KMT2C: variants seen among roughly 807,000 people sequenced by gnomAD.
The protein encoded by KMT2C is lysine methyltransferase 2C, also known as histone-lysine N-methyltransferase 2C.
Under a neutral mutation model 507.9 loss-of-function variants are expected in KMT2C, and 88 were observed. The observed-to-expected ratio is 0.17, with a 90% CI of 0.15 to 0.21. KMT2C has a LOEUF of 0.21. KMT2C is among the 10% of genes least tolerant of loss of function. KMT2C has a pLI of 1.00. For missense variants in KMT2C, 4,954 were observed against 5,957.8 expected, an observed-to-expected ratio of 0.83 and a Z score of 5.55; for synonymous variants, 2,049 against 2,080.8, an observed-to-expected ratio of 0.98 and a Z score of 0.42.
chr7:152,316,191 A>AT (rs953641257), intron 3 of KMT2C, among the ~76,000 whole-genome samples: 2 of 152,082 alleles, frequency 1.3e-5, no homozygotes, highest in African/African-American at 4.8e-5. Context: ...AGCAAAGGGG[A>AT]TTTTTTAGGC....
intron 1 of KMT2C, among the ~76,000 whole-genome samples, chr7:152,408,293 A>C (rs1353620112): frequency 2.6e-5 from 4 of 152,124 alleles, no homozygotes; most frequent in Non-Finnish European, 4.4e-5. Flanking sequence ...ATCTCAAAAA[A>C]AGAAAAAAAA....
chr7:152,160,516 G>A (rs1321671456), intron 43 of KMT2C, among the ~76,000 whole-genome samples: 6 of 152,098 alleles, frequency 3.9e-5, no homozygotes, highest in African/African-American at 1.2e-4. Context: ...GCAGGTGTGT[G>A]GCGGGAGATT....
At chr7:152,274,668 T>C (rs1203557208) in intron 6 of KMT2C, among the ~76,000 whole-genome samples, 5 of 152,270 alleles carry the variant, frequency 3.3e-5, no homozygotes, top group African/African-American at 1.2e-4. Context: ...AGCATCATTT[T>C]CTTTGAAGAG....
chr7:152,416,195 G>A (rs1483300963), intron 1 of KMT2C, among the ~76,000 whole-genome samples: 1 of 152,256 alleles, frequency 6.6e-6, no homozygotes, highest in African/African-American at 2.4e-5. Flanking sequence ...TTCAAGACCA[G>A]CCTGGCCAAC....
chr7:152,342,438 A>G (rs2097004672), intron 2 of KMT2C, among the ~76,000 whole-genome samples: 4 of 152,236 alleles, frequency 2.6e-5, no homozygotes, highest in Admixed American at 1.3e-4. Context: ...CAAATTAGAA[A>G]AGGGATATAA....
chr7:152,181,389 G>T lies in KMT2C; in HGVS notation c.6471C>A (p.Asp2157Glu). Residue 2157 changes from aspartate (D) to glutamate (E), a missense_variant, in exon 36 of 59, where the codon GAC becomes GAA. Asp to Glu is a conservative substitution (Grantham distance 45). This residue lies in a region of KMT2C where 1,689 missense variants were observed against 1,654.3 expected (regional missense o/e 1.02). Coordinates refer to ENST00000262189, the MANE Select transcript of KMT2C (RefSeq NM_170606.3). Reference sequence around the variant, plus strand: ...GAGTTCCAGGAGGTTGAGAGTAAGGGTCTGTATTGGACCTAGCTGTTCCTG... The same window carrying T: ...GAGTTCCAGGAGGTTGAGAGTAAGGTTCTGTATTGGACCTAGCTGTTCCTG... ...QSSGTARSNT[D>E]PYSQPPGTPR... 2 of 1,614,034 alleles carry T rather than the reference G, an allele frequency of 1.2e-6. No individual in the cohort carries two copies. Among genetic ancestry groups the T allele is most frequent in the Non-Finnish European group, 8.5e-7 (1 of 1,180,020 alleles).
At chr7:152,361,741 A>T (rs576467096) in intron 1 of KMT2C, among the ~76,000 whole-genome samples, 4 of 152,186 alleles carry the variant, frequency 2.6e-5, no homozygotes, top group Non-Finnish European at 5.9e-5. Flanking sequence ...TTTCACAGTA[A>T]ACATAAATGG....
At chr7:152,381,695 T>C (rs2097375497) in intron 1 of KMT2C, among the ~76,000 whole-genome samples, 1 of 152,278 alleles carries the variant, frequency 6.6e-6, no homozygotes, top group South Asian at 2.1e-4. Context: ...ATGTATAAGC[T>C]ACATTTATTT....
chr7:152,263,137 A>C lies in KMT2C; in HGVS notation c.1185-7T>G. 2 of 1,601,422 alleles carry C rather than the reference A, an allele frequency of 1.2e-6. No homozygotes were observed. The highest frequency in any genetic ancestry group is 1.7e-6 in the Non-Finnish European group (2 of 1,174,828). Reference sequence around the variant, plus strand: ...GCTATCTTCTCCCGATTGTCTAAAAAATAAGATAGCATTAATGATGCCTTA... The same window carrying C: ...GCTATCTTCTCCCGATTGTCTAAAACATAAGATAGCATTAATGATGCCTTA... On this transcript the variant is annotated splice_region_variant and splice_polypyrimidine_tract_variant and intron_variant, in intron 8 of 58. Coordinates refer to ENST00000262189, the MANE Select transcript of KMT2C (RefSeq NM_170606.3).
At chr7:152,172,332 A>G (rs1256266455) in intron 39 of KMT2C, among the ~76,000 whole-genome samples, 2 of 152,236 alleles carry the variant, frequency 1.3e-5, no homozygotes, top group African/African-American at 4.8e-5. Context: ...TAATGTATCT[A>G]ACCGGCAGAT....
At chr7:152,167,117 A>G in intron 42 of KMT2C, 29 bp downstream of exon 42, 1 of 1,519,818 alleles carries the variant, frequency 6.6e-7, no homozygotes, top group Non-Finnish European at 9.1e-7. Context: ...AATTGTTGGT[A>G]GTTTCTATTT....
intron 33 of KMT2C, among the ~76,000 whole-genome samples, chr7:152,186,149 G>A (rs764503883): frequency 6.6e-6 from 1 of 152,150 alleles, no homozygotes; most frequent in Non-Finnish European, 1.5e-5. Flanking sequence ...AAGATCAACA[G>A]TTAATGATAA....
At position 152,212,124 on chromosome 7, in the gene KMT2C, C is replaced by G. The variant is rs907548525; in HGVS notation, c.3713-4696G>C. Among the ~76,000 whole-genome samples, 11 of 152,202 alleles carry G rather than the reference C, an allele frequency of 7.2e-5. No homozygotes were observed. The East Asian group carries it at 1.4e-3, about 19-fold the overall frequency. On this transcript the variant is annotated intron_variant, in intron 23 of 58. Transcript: ENST00000262189. ...ACAGACAGAAAGAAAAGAAAAAGAC[C>G]ATATCACCCAAATATGAGAAATTCT...
At chr7:152,261,880 G>A (rs2095786069) in intron 9 of KMT2C, among the ~76,000 whole-genome samples, 2 of 152,108 alleles carry the variant, frequency 1.3e-5, no homozygotes, top group Admixed American at 1.3e-4. Context: ...ACTACCTGAG[G>A]AAGCAGGCCA....
chr7:152,339,805 AATATT>A (rs1442165571), intron 2 of KMT2C, among the ~76,000 whole-genome samples: 3 of 152,164 alleles, frequency 2.0e-5, no homozygotes, highest in Admixed American at 6.5e-5. Flanking sequence ...TTGCTTAATT[AATATT>A]ATATAATATA....
chr7:152,147,707 C>CAAAAAAAAAAAAAAAAAA (rs762588729), intron 52 of KMT2C, among the ~76,000 whole-genome samples: 26 of 46,558 alleles, frequency 5.6e-4, no homozygotes, highest in Non-Finnish European at 9.6e-4. Context: ...AACTCCGTCT[C>CAAAAAAAAAAAAAAAAAA]AAAAAAAAAA....
At chr7:152,282,662 A>G (rs1026637341) in intron 6 of KMT2C, among the ~76,000 whole-genome samples, 1 of 152,102 alleles carries the variant, frequency 6.6e-6, no homozygotes, top group Non-Finnish European at 1.5e-5. Context: ...TTACTAGATG[A>G]TAGTGCATGT....
Position 152,180,939 on chromosome 7 carries a change from T to C in KMT2C, c.6921A>G (p.Arg2307=), listed in dbSNP as rs762649141. 4 of 1,614,110 alleles carry C rather than the reference T, an allele frequency of 2.5e-6. No individual in the cohort carries two copies. The highest frequency in any genetic ancestry group is 1.3e-5 in the African/African-American group (1 of 75,016). ...DPYDQSPMTP[R]SQSDSFGTSQ... is the part of the protein sequence containing the mutation. ...TTGTTCCAAAAGAGTCAGACTGAGA[T>C]CTTGGAGTCATTGGAGACTGATCAT... is the stretch of plus-strand genomic sequence containing the variant. Residue 2307 remains arginine (R), a synonymous_variant, in exon 36 of 59, where the codon AGA becomes AGG. Transcript: ENST00000262189.
At chr7:152,326,789 G>C (rs1310489623) in intron 3 of KMT2C, among the ~76,000 whole-genome samples, 1 of 152,206 alleles carries the variant, frequency 6.6e-6, no homozygotes, top group Admixed American at 6.5e-5. Flanking sequence ...GCTGAGGCAG[G>C]AGAATCGCGC....
Sources: allele counts gnomAD v4.1 joint callset (sites outside exome capture counted in the v4.1 genomes callset), GRCh38; gene constraint gnomAD v4.1.1; regional missense constraint gnomAD v4.1.1; transcripts MANE v1.5; gene names NCBI Gene and HGNC (gene_info 2026-07-23, HGNC 2026-07-21).